The following CDKAL1 variants were observed in gnomAD, a reference collection of about 807,000 sequenced individuals.
CDKAL1 encodes threonylcarbamoyladenosine tRNA methylthiotransferase.
CDKAL1 carries 32 observed loss-of-function variants against 68.2 expected under a neutral mutation model. The observed-to-expected ratio is 0.47, with a 90% CI of 0.35 to 0.63. The LOEUF (loss-of-function observed/expected upper bound fraction) is 0.63, where lower values mean the gene tolerates loss of function less well. CDKAL1 is among the 30% of genes least tolerant of loss of function. The probability of loss-of-function intolerance (pLI) is 0.00; values close to 1 mark genes in which losing one functional copy is unlikely to be tolerated. For synonymous variants in CDKAL1, 234 were observed against 244.3 expected, an observed-to-expected ratio of 0.96 and a Z score of 0.39; for missense variants, 606 against 696.7, an observed-to-expected ratio of 0.87 and a Z score of 1.47.
chr6:20,544,224 T>A (rs1272984093), intron 2 of CDKAL1, among the ~76,000 whole-genome samples: 1 of 152,116 alleles, frequency 6.6e-6, no homozygotes, highest in African/African-American at 2.4e-5. Context: ...CTGGGTTTTC[T>A]GTTATGTTCC....
At chr6:21,090,293 T>C (rs1260569960) in intron 12 of CDKAL1, among the ~76,000 whole-genome samples, 14 of 152,208 alleles carry the variant, frequency 9.2e-5, no homozygotes, top group Non-Finnish European at 2.1e-4. Context: ...TCATCTAATC[T>C]TCATGGCATT....
At chr6:21,008,858 T>C (rs953680131) in intron 11 of CDKAL1, among the ~76,000 whole-genome samples, 1 of 152,236 alleles carries the variant, frequency 6.6e-6, no homozygotes, top group Non-Finnish European at 1.5e-5. Flanking sequence ...TGGTCTGTTT[T>C]AATTAAAGTT....
intron 9 of CDKAL1, among the ~76,000 whole-genome samples, chr6:20,912,020 C>T (rs1762489481): frequency 6.6e-6 from 1 of 152,146 alleles, no homozygotes; most frequent in African/African-American, 2.4e-5. Context: ...CTGAGAAGGA[C>T]CACCCAATAG....
At chr6:21,072,555 A>C (rs917684833) in intron 12 of CDKAL1, among the ~76,000 whole-genome samples, 2 of 32,340 alleles carry the variant, frequency 6.2e-5, no homozygotes, top group African/African-American at 3.1e-4. Context: ...ACTCCGTCTC[A>C]AAAAAAAAAA....
At position 20,747,351 on chromosome 6, in the gene CDKAL1, A is replaced by C. The variant is rs149794112; in HGVS notation, c.468+7736A>C. ...TGCTGATTTCATTTCCTTTGGATAT[A>C]TAAGGATTGCTGGATCATATGGTAG... On this transcript the variant is annotated intron_variant, in intron 6 of 15. Transcript: ENST00000274695. 1.6e-3 allele frequency among the ~76,000 whole-genome samples: 244 copies of C among 152,336 alleles called. 1 individual carries two copies. Among genetic ancestry groups the C allele is most frequent in the Non-Finnish European group, 1.2e-3 (79 of 68,032 alleles).
chr6:20,717,809 G>A (rs893014681), intron 5 of CDKAL1, among the ~76,000 whole-genome samples: 4 of 152,034 alleles, frequency 2.6e-5, no homozygotes, highest in East Asian at 1.9e-4. Flanking sequence ...TTTTGTATAT[G>A]GGGAATTTGA....
chr6:20,843,580 G>A (rs142647221), intron 8 of CDKAL1, among the ~76,000 whole-genome samples: 107 of 152,194 alleles, frequency 7.0e-4, no homozygotes, highest in Middle Eastern at 3.4e-3. Context: ...ATAGCTTGAA[G>A]GTAATTTACA....
chr6:21,218,837 A>C (rs1053873626), intron 15 of CDKAL1, among the ~76,000 whole-genome samples: 4 of 152,218 alleles, frequency 2.6e-5, no homozygotes, highest in African/African-American at 9.6e-5. Flanking sequence ...GACCATAGCC[A>C]AGGGGAAGAG....
intron 8 of CDKAL1, among the ~76,000 whole-genome samples, chr6:20,804,631 G>A (rs1310343694): frequency 2.0e-5 from 3 of 152,092 alleles, no homozygotes; most frequent in Non-Finnish European, 4.4e-5. Context: ...TTTTTGACTG[G>A]TTTCATGCTG....
chr6:20,659,812 TTTGA>T, intron 5 of CDKAL1, among the ~76,000 whole-genome samples: 1 of 152,286 alleles, frequency 6.6e-6, no homozygotes, highest in East Asian at 1.9e-4. Context: ...GCCCATCTTC[TTTGA>T]TTGTGGTCAT....
intron 4 of CDKAL1, among the ~76,000 whole-genome samples, chr6:20,614,946 C>T (rs1231987484): frequency 2.4e-5 from 3 of 126,500 alleles, no homozygotes; most frequent in Non-Finnish European, 4.8e-5. Flanking sequence ...CACCCCACCA[C>T]AGTCCCCAGA....
chr6:20,933,436 A>G (rs531723289), intron 9 of CDKAL1, among the ~76,000 whole-genome samples: 70 of 152,346 alleles, frequency 4.6e-4, no homozygotes, highest in African/African-American at 1.7e-3. Flanking sequence ...ATTAACTAAA[A>G]GGAGAGACTC....
In CDKAL1 at chr6:21,077,107, T is replaced by C. The variant is rs538272001; in HGVS notation, c.1236+11879T>C. Reference sequence around the variant, plus strand: ...GCCTAATAATCTTTGATTTTTCTATTAGACAATTTTAAGGCCACTTTTCAA... The same window carrying C: ...GCCTAATAATCTTTGATTTTTCTATCAGACAATTTTAAGGCCACTTTTCAA... On this transcript the variant is annotated intron_variant, in intron 12 of 15. Transcript: ENST00000274695. 3.3e-5 allele frequency among the ~76,000 whole-genome samples: 5 copies of C among 150,606 alleles called. No homozygotes were observed. The Admixed American group carries it at 3.3e-4, about 10-fold the overall frequency.
At chr6:21,008,132 G>C (rs932496615) in intron 11 of CDKAL1, among the ~76,000 whole-genome samples, 6 of 152,176 alleles carry the variant, frequency 3.9e-5, no homozygotes, top group Non-Finnish European at 7.4e-5. Flanking sequence ...TTTGATGTTA[G>C]ACATGCTGAA....
chr6:20,993,005 A>G (rs546310666), intron 10 of CDKAL1, among the ~76,000 whole-genome samples: 2 of 152,302 alleles, frequency 1.3e-5, no homozygotes, highest in South Asian at 4.1e-4. Context: ...CACATATTAT[A>G]TGAGTCTATT....
intron 11 of CDKAL1, among the ~76,000 whole-genome samples, chr6:21,042,756 C>T (rs1034807998): frequency 6.6e-6 from 1 of 152,280 alleles, no homozygotes; most frequent in East Asian, 1.9e-4. Flanking sequence ...CCGCTTCAAA[C>T]GTTTTCCTCC....
intron 11 of CDKAL1, among the ~76,000 whole-genome samples, chr6:21,058,862 G>A (rs1380063068): frequency 1.4e-5 from 2 of 145,770 alleles, no homozygotes; most frequent in African/African-American, 5.1e-5. Context: ...GGTGACTCCT[G>A]TTGTGGGGGT....
intron 5 of CDKAL1, among the ~76,000 whole-genome samples, chr6:20,672,864 C>G (rs551081004): frequency 4.6e-5 from 7 of 152,054 alleles, no homozygotes; most frequent in African/African-American, 1.4e-4. Flanking sequence ...GCAGCCTCTG[C>G]CCCCCGGGTT....
intron 10 of CDKAL1, among the ~76,000 whole-genome samples, chr6:20,989,509 T>C (rs142439012): frequency 2.1e-3 from 323 of 152,330 alleles, no homozygotes; most frequent in African/African-American, 7.4e-3. Flanking sequence ...GATAAATCTT[T>C]AACATCTGCC....
Sources: allele counts gnomAD v4.1 joint callset (sites outside exome capture counted in the v4.1 genomes callset), GRCh38; gene constraint gnomAD v4.1.1; transcripts MANE v1.5; gene names NCBI Gene and HGNC (gene_info 2026-07-23, HGNC 2026-07-21).